PDE1C: variants seen among roughly 807,000 people sequenced by gnomAD.
The protein encoded by PDE1C is dual specificity calcium/calmodulin-dependent 3',5'-cyclic nucleotide phosphodiesterase 1C.
In PDE1C, 62 loss-of-function variants were observed where a neutral mutation model predicts 93.1. That is an observed-to-expected ratio of 0.67 (90% CI 0.54 to 0.82). The LOEUF (loss-of-function observed/expected upper bound fraction) is 0.82. PDE1C is among the 40% of genes least tolerant of loss of function. The probability of loss-of-function intolerance (pLI) is 0.00; values close to 1 mark genes in which losing one functional copy is unlikely to be tolerated. For synonymous variants in PDE1C, 325 were observed against 310.1 expected (o/e 1.05, Z -0.50); for missense variants, 742 against 884.6 (o/e 0.84, Z 2.04).
intron 2 of PDE1C, among the ~76,000 whole-genome samples, chr7:32,008,226 C>T (rs550935399): frequency 6.6e-6 from 1 of 152,314 alleles, no homozygotes; most frequent in South Asian, 2.1e-4. Context: ...ACTGGCTTAG[C>T]TTCCAAACCA....
chr7:31,687,307 G>T, the PDE1C span: 1 of 152,260 alleles, frequency 6.6e-6, no homozygotes, highest in Non-Finnish European at 1.5e-5. Context: ...GCGCTGATTG[G>T]TAAGTGCTTC....
the PDE1C span, among the ~76,000 whole-genome samples, chr7:31,719,464 G>A: frequency 2.0e-5 from 3 of 152,154 alleles, no homozygotes; most frequent in Admixed American, 6.5e-5. Flanking sequence ...TTTTTGCAGC[G>A]CAGTCTATGT....
chr7:31,964,701 A>G (rs1462621601), intron 2 of PDE1C, among the ~76,000 whole-genome samples: 2 of 152,050 alleles, frequency 1.3e-5, no homozygotes, highest in Non-Finnish European at 2.9e-5. Context: ...CTGGGAGGCA[A>G]CCCCCCAATA....
At chr7:32,063,673 T>C (rs1387987871) in intron 1 of PDE1C, among the ~76,000 whole-genome samples, 1 of 152,212 alleles carries the variant, frequency 6.6e-6, no homozygotes, top group Non-Finnish European at 1.5e-5. Flanking sequence ...TTCACATTTT[T>C]CCCCTTTAAT....
chr7:31,931,062 A>G (rs1218859141), intron 2 of PDE1C, among the ~76,000 whole-genome samples: 1 of 152,146 alleles, frequency 6.6e-6, no homozygotes, highest in Non-Finnish European at 1.5e-5. Flanking sequence ...AGCACTCAAC[A>G]AACTAGGTAT....
chr7:32,071,225 C>T, upstream of PDE1C: 1 of 985,434 alleles, frequency 1.0e-6, no homozygotes, highest in Non-Finnish European at 1.2e-6. Flanking sequence ...AGCTCGGCTC[C>T]GCGCGCAAGT....
chr7:32,020,406 T>C (rs563309143), intron 2 of PDE1C, among the ~76,000 whole-genome samples: 8 of 151,598 alleles, frequency 5.3e-5, no homozygotes, highest in Non-Finnish European at 1.0e-4. Context: ...GAAAAAAAAA[T>C]TTTTTTAAGG....
chr7:32,373,465 A>G (rs1189822636), intron 1 of PDE1C, among the ~76,000 whole-genome samples: 2 of 152,228 alleles, frequency 1.3e-5, no homozygotes, highest in Non-Finnish European at 2.9e-5. Context: ...AGGTATAGGG[A>G]GAAGATTGGG....
At chr7:32,306,581 C>T (rs1190165958) in intron 1 of PDE1C, among the ~76,000 whole-genome samples, 3 of 152,226 alleles carry the variant, frequency 2.0e-5, no homozygotes, top group Non-Finnish European at 4.4e-5. Context: ...TGCTCCAAGC[C>T]ATTGTCTATC....
chr7:31,832,274 A>C (rs540973542), intron 11 of PDE1C, among the ~76,000 whole-genome samples: 12 of 152,356 alleles, frequency 7.9e-5, no homozygotes, highest in Admixed American at 2.6e-4. Flanking sequence ...ATTGTACAAC[A>C]ATACAAAGAA....
At chr7:32,019,431 G>A (rs781300962) in intron 2 of PDE1C, among the ~76,000 whole-genome samples, 5 of 152,142 alleles carry the variant, frequency 3.3e-5, no homozygotes, top group Non-Finnish European at 5.9e-5. Flanking sequence ...AGGCAAGTGA[G>A]TTTCCTTATA....
intron 9 of PDE1C, among the ~76,000 whole-genome samples, chr7:31,844,059 A>C (rs544523699): frequency 6.6e-6 from 1 of 151,890 alleles, no homozygotes; most frequent in South Asian, 2.1e-4. Context: ...ACACCTCTCT[A>C]CATACAAACC....
At chr7:32,427,985 G>A (rs1442983056) in exon 1 of PDE1C, 1 of 152,278 alleles carries the variant, frequency 6.6e-6, no homozygotes, top group Non-Finnish European at 1.5e-5. Flanking sequence ...CCCCACGCCG[G>A]GGTCCCGGCC....
At chr7:32,086,751 C>T (rs183644393) in intron 3 of PDE1C, among the ~76,000 whole-genome samples, 97 of 152,190 alleles carry the variant, frequency 6.4e-4, no homozygotes, top group Admixed American at 4.4e-3. Flanking sequence ...ACAAGCAATG[C>T]GGAAAGGATT....
chr7:32,165,235 G>A (rs1220152087), intron 3 of PDE1C, among the ~76,000 whole-genome samples: 1 of 152,164 alleles, frequency 6.6e-6, no homozygotes, highest in Non-Finnish European at 1.5e-5. Flanking sequence ...TGCTGAGCAC[G>A]AATACAAAAT....
chr7:32,120,675 CAGAA>C (rs1172066105), intron 3 of PDE1C, among the ~76,000 whole-genome samples: 3 of 151,956 alleles, frequency 2.0e-5, no homozygotes, highest in Non-Finnish European at 4.4e-5. Flanking sequence ...AACAAACAAA[CAGAA>C]AGCAACAACA....
intron 2 of PDE1C, among the ~76,000 whole-genome samples, chr7:32,206,938 C>T (rs895180032): frequency 6.6e-6 from 1 of 152,232 alleles, no homozygotes; most frequent in Non-Finnish European, 1.5e-5. Context: ...GAGATCCTCT[C>T]TGCTTCCTTT....
chr7:31,655,300 C>T, the PDE1C span, among the ~76,000 whole-genome samples: 3 of 152,176 alleles, frequency 2.0e-5, no homozygotes, highest in Admixed American at 6.5e-5. Flanking sequence ...ACCCTGCCCC[C>T]TCAGTCAGTC....
At chr7:31,797,486 T>C (rs1785451288) in intron 16 of PDE1C, among the ~76,000 whole-genome samples, 1 of 151,788 alleles carries the variant, frequency 6.6e-6, no homozygotes, top group Non-Finnish European at 1.5e-5. Flanking sequence ...TAGTGAAGTA[T>C]ATTACAAATG....
Sources: allele counts gnomAD v4.1 joint callset (sites outside exome capture counted in the v4.1 genomes callset), GRCh38; gene constraint gnomAD v4.1.1; transcripts MANE v1.5; gene names NCBI Gene and HGNC (gene_info 2026-07-23, HGNC 2026-07-21).